LRP2: variants seen among roughly 807,000 people sequenced by gnomAD.
LRP2 encodes the protein low-density lipoprotein receptor-related protein 2.
In LRP2, 172 loss-of-function variants were observed where a neutral mutation model predicts 531.0. The observed-to-expected ratio is 0.32, with a 90% CI of 0.29 to 0.37. The LOEUF (loss-of-function observed/expected upper bound fraction) is 0.37, where lower values mean the gene tolerates loss of function less well. Ranked by LOEUF, LRP2 falls within the 10% of genes least tolerant of loss-of-function variation. The pLI is 1.00. For missense variants in LRP2, 5,167 were observed against 5,868.3 expected, an observed-to-expected ratio of 0.88 and a Z score of 3.90; for synonymous variants, 1,992 against 2,027.6, an observed-to-expected ratio of 0.98 and a Z score of 0.47.
intron 76 of LRP2, among the ~76,000 whole-genome samples, chr2:169,134,002 C>G (rs918044329): frequency 6.6e-6 from 1 of 152,148 alleles, no homozygotes; most frequent in Middle Eastern, 3.2e-3. Context: ...AACACACATG[C>G]TCTCCCTGCT....
At position 169,225,469 on chromosome 2, in the gene LRP2, A is replaced by C. The variant is rs565564426; in HGVS notation, c.5395-16T>G. On this transcript the variant is annotated splice_polypyrimidine_tract_variant and intron_variant, in intron 32 of 78. Transcript: ENST00000649046. The stretch of plus-strand genomic sequence containing the variant: ...GAATTTCACCCTGGAAAGAAAGACA[A>C]GGGGAGGTGAGCAGTTCCAAGGCCA... The C allele has an allele frequency of 1.2e-5, 19 of 1,613,700 alleles. No homozygotes were observed. The highest frequency in any genetic ancestry group is 6.7e-5 in the Admixed American group (4 of 60,000).
At chr2:169,266,456 T>C (rs1690805132) in intron 16 of LRP2, among the ~76,000 whole-genome samples, 1 of 152,084 alleles carries the variant, frequency 6.6e-6, no homozygotes, top group Admixed American at 6.6e-5. Flanking sequence ...TTTACTATTT[T>C]CTAGCCATTA....
At position 169,296,147 on chromosome 2, in the gene LRP2, C is replaced by CT. The variant is rs539644325; in HGVS notation, c.428-1438dup. Among the ~76,000 whole-genome samples, 39 of 151,864 alleles carry CT rather than the reference C, an allele frequency of 2.6e-4. 1 individual carries two copies. In the East Asian group the frequency reaches 7.0e-3, roughly 27 times the overall value. On this transcript the variant is annotated intron_variant, in intron 4 of 78. Coordinates refer to ENST00000649046, the MANE Select transcript of LRP2 (RefSeq NM_004525.3). ...TTAAAAAAATGGACTCTCCAATGAT[C>CT]TTTTTTTTGGTATAGTAAAGGAATA...
intron 16 of LRP2, among the ~76,000 whole-genome samples, chr2:169,264,142 C>T (rs918432709): frequency 6.6e-6 from 1 of 151,902 alleles, no homozygotes; most frequent in Non-Finnish European, 1.5e-5. Flanking sequence ...ATAACTAATG[C>T]TAGATGACGA....
intron 77 of LRP2, among the ~76,000 whole-genome samples, chr2:169,129,518 A>G (rs1685208768): frequency 6.6e-6 from 1 of 152,224 alleles, no homozygotes; most frequent in African/African-American, 2.4e-5. Context: ...TCTTTGGTCA[A>G]CTCAAGAGTA....
intron 1 of LRP2, among the ~76,000 whole-genome samples, chr2:169,327,661 G>A (rs1685125356): frequency 4.5e-4 from 2 of 4,430 alleles, no homozygotes; most frequent in East Asian, 0.011. Context: ...AGGGAGGTGG[G>A]GGGCTCAGCC....
Position 169,162,523 on chromosome 2 carries a change from C to T in LRP2, c.11836G>A (p.Val3946Met). Reference protein sequence around the residue: ...GNGHCIPHDNVCDDADDCGDW... With the variant: ...GNGHCIPHDNMCDDADDCGDW... ...CCACAGTCATCGGCATCATCACACA[C>T]ATTGTCATGTGGAATGCAATGCCCA... Residue 3946 changes from valine (V) to methionine (M), a missense_variant, in exon 63 of 79, where the codon GTG becomes ATG. Around this residue, in one of 6 missense-constraint regions of LRP2, gnomAD observed 564 missense variants for 747.7 expected, o/e 0.75. Coordinates refer to ENST00000649046, the MANE Select transcript of LRP2 (RefSeq NM_004525.3). 6.2e-7 allele frequency: 1 copy of T among 1,614,212 alleles called. No individual in the cohort carries two copies. Among genetic ancestry groups the T allele is most frequent in the Non-Finnish European group, 8.5e-7 (1 of 1,180,002 alleles).
intron 53 of LRP2, 22 bp downstream of exon 53, chr2:169,177,781 A>G (rs1205067253): frequency 6.2e-7 from 1 of 1,607,140 alleles, no homozygotes; most frequent in Non-Finnish European, 8.5e-7. Context: ...AACCTTGCCA[A>G]ACCCCTCAAT....
chr2:169,307,753 A>G (rs1010741100), intron 3 of LRP2, among the ~76,000 whole-genome samples: 1 of 152,232 alleles, frequency 6.6e-6, no homozygotes, highest in African/African-American at 2.4e-5. Flanking sequence ...TTGTATAAAC[A>G]AGAAGGAAAT....
intron 1 of LRP2, 84 bp from the exon 2 acceptor site, chr2:169,320,968 A>C: frequency 1.1e-6 from 1 of 925,930 alleles, no homozygotes; most frequent in Non-Finnish European, 1.8e-6. Context: ...AAAATGAAAA[A>C]TTATTCAACT....
Position 169,307,351 on chromosome 2 carries a change from C to A in LRP2, c.357G>T (p.Gln119His). 1 of 1,613,904 alleles carries A rather than the reference C, an allele frequency of 6.2e-7. No homozygotes were observed. ...CGCACCTGTATTCACTTGGGATACA[C>A]TGACCATTGGAGCATGTTATCTGAT... ...SSHQITCSNG[Q>H]CIPSEYRCDH... Residue 119 changes from glutamine (Q) to histidine (H), a missense_variant, in exon 4 of 79, where the codon CAG becomes CAT. Gln to His is a conservative substitution (Grantham distance 24). This residue lies in a region of LRP2 where 2,811 missense variants were observed against 3,058.0 expected (regional missense o/e 0.92). Transcript: ENST00000649046.
intron 25 of LRP2, among the ~76,000 whole-genome samples, chr2:169,240,483 C>T (rs1689764921): frequency 6.6e-6 from 1 of 152,136 alleles, no homozygotes; most frequent in African/African-American, 2.4e-5. Flanking sequence ...TCATAAGAAT[C>T]TGAAATACTT....
chr2:169,134,254 C>T (rs1685408053), intron 76 of LRP2, among the ~76,000 whole-genome samples: 1 of 152,162 alleles, frequency 6.6e-6, no homozygotes, highest in Admixed American at 6.5e-5. Context: ...GCTCAACTCA[C>T]TCTCTACAGT....
At chr2:169,241,434 A>T in intron 24 of LRP2, 69 bp from the exon 25 acceptor site, 1 of 1,559,636 alleles carries the variant, frequency 6.4e-7, no homozygotes, top group African/African-American at 1.3e-5. Context: ...GTCTAGACTC[A>T]GAGGAAATGA....
In LRP2 at chr2:169,142,700, T is replaced by C. The variant is rs1685767667; in HGVS notation, c.13082A>G (p.Glu4361Gly). 6.2e-7 allele frequency: 1 copy of C among 1,613,884 alleles called. No homozygotes were observed. The highest frequency in any genetic ancestry group is 1.1e-5 in the South Asian group (1 of 91,084). Residue 4361 changes from glutamate to glycine, a missense_variant, in exon 71 of 79, where the codon GAG (glutamate) becomes GGG (glycine). Glu to Gly is a moderately conservative substitution (Grantham distance 98). This residue lies in a region of LRP2 where 348 missense variants were observed against 369.3 expected (regional missense o/e 0.94). Coordinates refer to ENST00000649046, the MANE Select transcript of LRP2 (RefSeq NM_004525.3). ...TGCATCACACTCAGTGGTGCTCCCC[T>C]CTATAAAGCTGGAGCCTTGGGGACA... Reference protein sequence around the residue: ...CACPQGSSFIEGSTTECDAAI... With the variant: ...CACPQGSSFIGGSTTECDAAI...
chr2:169,155,039 C>A (rs2105359607), intron 65 of LRP2, among the ~76,000 whole-genome samples: 1 of 152,288 alleles, frequency 6.6e-6, no homozygotes, highest in African/African-American at 2.4e-5. Context: ...TGTTTCCTGA[C>A]AGATTTTATG....
chr2:169,182,458 A>C, intron 50 of LRP2, 139 bp from the exon 51 acceptor site: 1 of 1,550,256 alleles, frequency 6.5e-7, no homozygotes, highest in Non-Finnish European at 8.7e-7. Context: ...AAATGAGGGC[A>C]GGGGAAAACA....
chr2:169,160,690 A>AAAAAC (rs1553487438), intron 63 of LRP2, among the ~76,000 whole-genome samples: 73 of 147,094 alleles, frequency 5.0e-4, no homozygotes, highest in Admixed American at 9.5e-4. Flanking sequence ...CTTAAAAAAA[A>AAAAAC]AAAAACCTGC....
In LRP2 at chr2:169,333,106, A is replaced by T. The variant is rs180867532; in HGVS notation, c.80-12222T>A. 2.0e-5 allele frequency among the ~76,000 whole-genome samples: 3 copies of T among 152,336 alleles called. No individual in the cohort carries two copies. In the East Asian group the frequency reaches 5.8e-4, roughly 29 times the overall value. ...GGGCAGTAAGTACTGATAATTAATC[A>T]TCTAGTAAACTGAAGTCAACATTTT... is the stretch of plus-strand genomic sequence containing the variant. On this transcript the variant is annotated intron_variant, in intron 1 of 78. Coordinates refer to ENST00000649046, the MANE Select transcript of LRP2 (RefSeq NM_004525.3).
Sources: gnomAD v4.1 joint callset for allele counts (sites outside exome capture counted in the v4.1 genomes callset) on GRCh38, gnomAD v4.1.1 for gene constraint, gnomAD v4.1.1 regional missense constraint, MANE v1.5 for transcripts, NCBI Gene and HGNC (gene_info 2026-07-23, HGNC 2026-07-21) for gene names.